Variants in TENM2 observed in about 807,000 individuals in gnomAD.
TENM2 encodes teneurin transmembrane protein 2.
Under a neutral mutation model 245.2 loss-of-function variants are expected in TENM2, and 52 were observed. That is an observed-to-expected ratio of 0.21 (90% CI 0.17 to 0.27). The LOEUF (loss-of-function observed/expected upper bound fraction) is 0.27, where lower values mean the gene tolerates loss of function less well. Among genes scored for constraint, TENM2 ranks in the 10% least tolerant of loss-of-function variants. TENM2 has a pLI of 1.00. For missense variants in TENM2, 3,046 were observed against 3,666.8 expected, an observed-to-expected ratio of 0.83 and a Z score of 4.37; for synonymous variants, 1,363 against 1,438.9, an observed-to-expected ratio of 0.95 and a Z score of 1.19.
At chr5:167,234,514 A>C in the TENM2 span, among the ~76,000 whole-genome samples, 9 of 152,208 alleles carry the variant, frequency 5.9e-5, no homozygotes, top group Non-Finnish European at 1.3e-4. Flanking sequence ...TTTGAAGTAA[A>C]AATCAACAGT....
At chr5:167,106,296 C>T in the TENM2 span, among the ~76,000 whole-genome samples, 2 of 152,054 alleles carry the variant, frequency 1.3e-5, no homozygotes, top group African/African-American at 4.8e-5. Flanking sequence ...ATAATAGACC[C>T]CAAAGGAGGC....
chr5:168,221,658 G>A (rs555852624), intron 23 of TENM2, among the ~76,000 whole-genome samples: 1 of 152,288 alleles, frequency 6.6e-6, no homozygotes, highest in South Asian at 2.1e-4. Flanking sequence ...TGATCAGCCA[G>A]TTCCAGAAAC....
the TENM2 span, among the ~76,000 whole-genome samples, chr5:167,254,737 A>G: frequency 6.6e-6 from 1 of 152,152 alleles, no homozygotes; most frequent in African/African-American, 2.4e-5. Context: ...TTGAATTTAG[A>G]TAAGGAGATC....
chr5:167,688,817 A>C (rs759991126), intron 2 of TENM2, among the ~76,000 whole-genome samples: 1 of 152,222 alleles, frequency 6.6e-6, no homozygotes, highest in African/African-American at 2.4e-5. Context: ...ATTCCACAGC[A>C]TTCTCAGGCT....
intron 3 of TENM2, among the ~76,000 whole-genome samples, chr5:167,923,821 T>C (rs2151651118): frequency 6.6e-6 from 1 of 152,254 alleles, no homozygotes; most frequent in African/African-American, 2.4e-5. Flanking sequence ...CACTGTCTTA[T>C]GTTGTCCCAC....
intron 2 of TENM2, among the ~76,000 whole-genome samples, chr5:167,377,701 C>A (rs561077613): frequency 2.0e-5 from 3 of 152,162 alleles, no homozygotes; most frequent in Admixed American, 2.0e-4. Context: ...TGCTCTTTCT[C>A]TCTGACAAAT....
chr5:167,960,534 A>ACCC (rs536716603), intron 4 of TENM2, among the ~76,000 whole-genome samples: 218 of 151,204 alleles, frequency 1.4e-3, no homozygotes, highest in African/African-American at 5.0e-3. Flanking sequence ...GTAATAGTGG[A>ACCC]CCCCCCCTCC....
At chr5:167,615,422 C>G (rs147454221) in intron 2 of TENM2, among the ~76,000 whole-genome samples, 34 of 152,134 alleles carry the variant, frequency 2.2e-4, no homozygotes, top group African/African-American at 7.7e-4. Context: ...ATTAGCAAGT[C>G]GTAGATCCTT....
chr5:167,326,071 G>T (rs1214146937), intron 1 of TENM2, among the ~76,000 whole-genome samples: 1 of 152,092 alleles, frequency 6.6e-6, no homozygotes, highest in Non-Finnish European at 1.5e-5. Flanking sequence ...TGGCCAGGAG[G>T]GTGAGGGGCA....
rs770423597 is a variant in TENM2, at chr5:168,218,421, C to G, written c.4530C>G (p.Ile1510Met). ...GCCAGGTAACAACCAACGGGGAGAT[C>G]TGCCTTTTAGCTGGGGCAGCCTCGG... The change falls in exon 23 of 29, where the codon ATC (isoleucine) becomes ATG (methionine). Residue 1510 changes from isoleucine to methionine, a missense_variant. This residue lies in a region of TENM2 where 2,704 missense variants were observed against 3,331.9 expected (regional missense o/e 0.81). Transcript: ENST00000518659. The surrounding 1 kb of genome is among the most constrained non-coding windows in gnomAD (Gnocchi z 5.2). 10 of 1,614,056 alleles carry G rather than the reference C, an allele frequency of 6.2e-6. No homozygotes were observed. In the South Asian group the frequency reaches 8.8e-5, roughly 14 times the overall value.
At chr5:167,664,766 G>A (rs1254421979) in intron 2 of TENM2, among the ~76,000 whole-genome samples, 1 of 152,174 alleles carries the variant, frequency 6.6e-6, no homozygotes, top group African/African-American at 2.4e-5. Context: ...TTTTATAGTA[G>A]TACCAAGGGA....
intron 19 of TENM2, among the ~76,000 whole-genome samples, chr5:168,211,163 C>T (rs542871740): frequency 6.6e-6 from 1 of 152,316 alleles, no homozygotes; most frequent in East Asian, 1.9e-4. Flanking sequence ...TTCAGAGTCT[C>T]AGGGTTCAAC....
chr5:167,281,160 G>A (rs973566120), upstream of TENM2, among the ~76,000 whole-genome samples: 1 of 151,110 alleles, frequency 6.6e-6, no homozygotes, highest in African/African-American at 2.4e-5. Context: ...CCAGGCTGGA[G>A]TGCAGTGGTA....
chr5:167,928,930 G>GAAAAAAAAAAAAAAAAAAAAAAA (rs1777984036), intron 3 of TENM2, among the ~76,000 whole-genome samples: 1 of 121,708 alleles, frequency 8.2e-6, no homozygotes, highest in African/African-American at 3.2e-5. Flanking sequence ...AAGAAAGAAG[G>GAAAAAAAAAAAAAAAAAAAAAAA]AAAAAGAAAG....
chr5:168,087,619 A>G (rs1254665045), intron 7 of TENM2, among the ~76,000 whole-genome samples: 4 of 151,804 alleles, frequency 2.6e-5, no homozygotes, highest in African/African-American at 4.8e-5. Context: ...AAAAAAAAAA[A>G]AAAGAAAGAA....
At chr5:167,579,399 T>G (rs745536083) in intron 2 of TENM2, among the ~76,000 whole-genome samples, 24 of 152,342 alleles carry the variant, frequency 1.6e-4, no homozygotes, top group Non-Finnish European at 2.9e-5. Flanking sequence ...TCACTGGAGA[T>G]ATGTGTCTTA....
At chr5:167,456,394 A>G (rs1444947858) in intron 2 of TENM2, among the ~76,000 whole-genome samples, 1 of 152,212 alleles carries the variant, frequency 6.6e-6, no homozygotes, top group Non-Finnish European at 1.5e-5. Flanking sequence ...GATGAATCAA[A>G]TTGAACTTAA....
rs116196834 is a variant in TENM2, at chr5:168,188,279, C to T, written c.2570-2058C>T. ...GTTCCAGTACAAGTGTTTGTCAAGGCACAGCCCAGGGTTTGAGTGCGTGTT... is the reference window on the plus strand; with the variant it reads ...GTTCCAGTACAAGTGTTTGTCAAGGTACAGCCCAGGGTTTGAGTGCGTGTT... On this transcript the variant is annotated intron_variant, in intron 13 of 28. Coordinates refer to ENST00000518659, the Ensembl canonical transcript of TENM2. Among the ~76,000 whole-genome samples, 490 of 152,300 alleles carry T rather than the reference C, an allele frequency of 3.2e-3. 4 individuals are homozygous for T. The highest frequency in any genetic ancestry group is 0.02 in the Middle Eastern group (6 of 294).
chr5:167,566,303 C>G (rs190330726), intron 2 of TENM2, among the ~76,000 whole-genome samples: 20 of 152,124 alleles, frequency 1.3e-4, no homozygotes, highest in African/African-American at 4.1e-4. Context: ...ATGTCACGTA[C>G]TCTGAGATGC....
Sources: allele counts gnomAD v4.1 joint callset (sites outside exome capture counted in the v4.1 genomes callset), GRCh38; gene constraint gnomAD v4.1.1; regional missense constraint gnomAD v4.1.1; non-coding constraint Gnocchi (gnomAD v3.1); transcripts MANE v1.5; gene names NCBI Gene and HGNC (gene_info 2026-07-23, HGNC 2026-07-21).